The following FLI1 variants were observed in gnomAD, a reference collection of about 807,000 sequenced individuals.
FLI1 encodes the protein Fli-1 proto-oncogene, ETS transcription factor, also known as Friend leukemia integration 1 transcription factor.
FLI1 carries 13 observed loss-of-function variants against 53.1 expected under a neutral mutation model. The ratio of observed to expected loss-of-function variants is 0.24; its 90% CI spans 0.16 to 0.39. The LOEUF is 0.39. Among genes scored for constraint, FLI1 ranks in the 10% least tolerant of loss-of-function variants. The probability of loss-of-function intolerance (pLI) is 1.00; values close to 1 mark genes in which losing one functional copy is unlikely to be tolerated. For missense variants in FLI1, 424 were observed against 600.5 expected (o/e 0.71, Z 3.07); for synonymous variants, 244 against 236.7 (o/e 1.03, Z -0.28).
At chr11:128,783,247 G>T (rs528092073) in intron 5 of FLI1, among the ~76,000 whole-genome samples, 2 of 152,168 alleles carry the variant, frequency 1.3e-5, no homozygotes, top group Non-Finnish European at 2.9e-5. Flanking sequence ...CTTAAAATCC[G>T]CATGGGGTGT....
At chr11:128,801,391 T>G (rs1336498316) in intron 5 of FLI1, among the ~76,000 whole-genome samples, 1 of 152,250 alleles carries the variant, frequency 6.6e-6, no homozygotes, top group African/African-American at 2.4e-5. Context: ...ATGACCACAC[T>G]GCTAAATTCT....
In FLI1 at chr11:128,741,094, T is replaced by C. The variant is rs74686641; in HGVS notation, c.19-17021T>C. On this transcript the variant is annotated intron_variant, in intron 1 of 8. Coordinates refer to ENST00000527786, the MANE Select transcript of FLI1 (RefSeq NM_002017.5). ...AAGGCCCACAGTCTGCAAGCTCTGG[T>C]TTAAAATACAGTCACTCAGCCAGGC... Among the ~76,000 whole-genome samples the C allele has an allele frequency of 8.7e-3, 1,331 of 152,264 alleles. 18 individuals carry two copies. Among genetic ancestry groups the C allele is most frequent in the African/African-American group, 0.031 (1,268 of 41,550 alleles).
intron 5 of FLI1, among the ~76,000 whole-genome samples, chr11:128,802,086 C>T (rs891308987): frequency 6.6e-6 from 1 of 152,196 alleles, no homozygotes; most frequent in African/African-American, 2.4e-5. Context: ...CTAACATCCA[C>T]TGAGGCCACC....
chr11:128,722,312 G>C (rs559990112), intron 1 of FLI1, among the ~76,000 whole-genome samples: 8 of 152,330 alleles, frequency 5.3e-5, no homozygotes, highest in South Asian at 2.1e-4. Flanking sequence ...CAGAGGAAAA[G>C]CTGACAAGGT....
At chr11:128,772,709 G>C (rs556525879) in intron 3 of FLI1, 73 bp from the exon 4 acceptor site, 1 of 1,191,854 alleles carries the variant, frequency 8.4e-7, no homozygotes, top group South Asian at 1.2e-5. Context: ...CAAGGGGTGA[G>C]GGAGGCTGCC....
At chr11:128,715,856 T>C (rs1043371920) in intron 1 of FLI1, among the ~76,000 whole-genome samples, 2 of 152,222 alleles carry the variant, frequency 1.3e-5, no homozygotes, top group East Asian at 3.8e-4. Flanking sequence ...ATAACATTAA[T>C]GACAAGTGGA....
intron 3 of FLI1, among the ~76,000 whole-genome samples, chr11:128,769,850 A>G (rs570576081): frequency 2.6e-5 from 4 of 152,350 alleles, no homozygotes; most frequent in South Asian, 2.1e-4. Flanking sequence ...GCCCAGGTGT[A>G]TCGTCTCCCT....
intron 1 of FLI1, among the ~76,000 whole-genome samples, chr11:128,688,368 C>G (rs1192741555): frequency 6.6e-6 from 1 of 152,214 alleles, no homozygotes; most frequent in Non-Finnish European, 1.5e-5. Context: ...TTTCAGCAGC[C>G]ACAAAGTTTG....
At chr11:128,789,317 G>A (rs968824128) in intron 5 of FLI1, among the ~76,000 whole-genome samples, 9 of 152,170 alleles carry the variant, frequency 5.9e-5, no homozygotes, top group African/African-American at 1.9e-4. Flanking sequence ...CTGGAAAACC[G>A]GGTGCAGTTG....
At chr11:128,791,140 G>A (rs1241026832) in intron 5 of FLI1, among the ~76,000 whole-genome samples, 2 of 152,130 alleles carry the variant, frequency 1.3e-5, no homozygotes, top group Non-Finnish European at 1.5e-5. Flanking sequence ...GACCGCTAGA[G>A]ACAAGTTCCA....
At chr11:128,736,502 A>G (rs1347197900) in intron 1 of FLI1, among the ~76,000 whole-genome samples, 4 of 152,218 alleles carry the variant, frequency 2.6e-5, no homozygotes, top group African/African-American at 7.2e-5. Flanking sequence ...TTGGTTGAGA[A>G]TGTAGGAACC....
At chr11:128,721,967 C>A (rs1472727517) in intron 1 of FLI1, among the ~76,000 whole-genome samples, 1 of 152,150 alleles carries the variant, frequency 6.6e-6, no homozygotes, top group East Asian at 1.9e-4. Context: ...GCTCCCTGGT[C>A]ATCTTGAGTA....
chr11:128,722,337 C>T (rs778620755), intron 1 of FLI1, among the ~76,000 whole-genome samples: 7 of 152,086 alleles, frequency 4.6e-5, no homozygotes, highest in Non-Finnish European at 1.0e-4. Context: ...GGATGCTTCT[C>T]GGAGAAGGGA....
chr11:128,723,646 C>A (rs187055542), intron 1 of FLI1, among the ~76,000 whole-genome samples: 1 of 152,332 alleles, frequency 6.6e-6, no homozygotes, highest in Non-Finnish European at 1.5e-5. Context: ...CAATGCAACC[C>A]ATTTGTTCTT....
In FLI1 at chr11:128,697,276, C is replaced by T. The variant is rs1591728586; in HGVS notation, c.18+3000C>T. Among the ~76,000 whole-genome samples, 4 of 152,266 alleles carry T rather than the reference C, an allele frequency of 2.6e-5. No individual in the cohort carries two copies. In the South Asian group the frequency reaches 6.2e-4, roughly 24 times the overall value. ...ATCTATGAATGCCTGACTCAGTGCA[C>T]GTGGTGTCATTACAGATGGGGAGAC... is the stretch of plus-strand genomic sequence containing the variant. On this transcript the variant is annotated intron_variant, in intron 1 of 8. Transcript: ENST00000527786.
At chr11:128,693,086 TGG>T (rs1031237507), upstream of FLI1, 14 of 152,854 alleles carry the variant, frequency 9.2e-5, no homozygotes, top group African/African-American at 3.4e-4. Flanking sequence ...GTCAGTTCCC[TGG>T]GGACCAGGAA....
Position 128,768,301 on chromosome 11 carries a change from C to T in FLI1, c.385+29C>T, listed in dbSNP as rs1255202461. On this transcript the variant is annotated intron_variant, in intron 3 of 8. Coordinates refer to ENST00000527786, the MANE Select transcript of FLI1 (RefSeq NM_002017.5). ...ATTCGAGAACCAGGCTGCCTGGGCG[C>T]CATTCACTTCCCCACTCTCTGGGGG... The T allele has an allele frequency of 6.3e-6, 10 of 1,582,646 alleles. No homozygotes were observed. In the Admixed American group the frequency reaches 1.2e-4, roughly 20 times the overall value.
intron 1 of FLI1, among the ~76,000 whole-genome samples, chr11:128,717,204 C>T (rs1283726363): frequency 6.6e-6 from 1 of 152,154 alleles, no homozygotes; most frequent in African/African-American, 2.4e-5. Flanking sequence ...CTCACCCCTG[C>T]TCCAAGTGCA....
chr11:128,730,385 T>C (rs1334870723), intron 1 of FLI1, among the ~76,000 whole-genome samples: 1 of 152,202 alleles, frequency 6.6e-6, no homozygotes, highest in Non-Finnish European at 1.5e-5. Context: ...TCCTATTCAT[T>C]TCTGTGCTTA....
Sources: allele counts gnomAD v4.1 joint callset (sites outside exome capture counted in the v4.1 genomes callset), GRCh38; gene constraint gnomAD v4.1.1; transcripts MANE v1.5; gene names NCBI Gene and HGNC (gene_info 2026-07-23, HGNC 2026-07-21).